The following STOX2 variants were observed in gnomAD, a reference collection of about 807,000 sequenced individuals.
STOX2 encodes storkhead-box protein 2.
STOX2 carries 28 observed loss-of-function variants against 60.9 expected under a neutral mutation model. The observed-to-expected ratio is 0.46, with a 90% CI of 0.34 to 0.63. The LOEUF is 0.63. Ranked by LOEUF, STOX2 falls within the 30% of genes least tolerant of loss-of-function variation. The pLI, the probability that STOX2 is intolerant of heterozygous loss-of-function variation, is 0.01. For synonymous variants in STOX2, 472 were observed against 463.9 expected, an observed-to-expected ratio of 1.02 and a Z score of -0.22; for missense variants, 1,024 against 1,187.7, an observed-to-expected ratio of 0.86 and a Z score of 2.03.
At chr4:183,832,412 T>C (rs185813589) in intron 1 of STOX2, among the ~76,000 whole-genome samples, 8 of 152,080 alleles carry the variant, frequency 5.3e-5, no homozygotes, top group Non-Finnish European at 1.2e-4. Flanking sequence ...ATCTAAGGAA[T>C]GTAATACTTC....
intron 1 of STOX2, among the ~76,000 whole-genome samples, chr4:183,968,380 A>G (rs1162190484): frequency 6.6e-6 from 1 of 151,432 alleles, no homozygotes; most frequent in African/African-American, 2.4e-5. Context: ...ACACACACAC[A>G]AAGAAGAGCA....
rs766878277 is a variant in STOX2, at chr4:184,009,753, G to A, written c.915G>A (p.Thr305=). The A allele has an allele frequency of 1.9e-6, 3 of 1,613,398 alleles. No homozygotes were observed. The highest frequency in any genetic ancestry group is 1.1e-5 in the South Asian group (1 of 90,904). The change falls in exon 3 of 4, where the codon ACG becomes ACA. Residue 305 remains threonine, a synonymous_variant. Transcript: ENST00000308497. The surrounding 1 kb of genome is among the most constrained non-coding windows in gnomAD (Gnocchi z 4.0). The part of the protein sequence containing the change: ...WPLRDEDTPA[T]IPREVEMEII... The stretch of plus-strand genomic sequence containing the variant: ...TGCGAGACGAGGACACGCCAGCTAC[G>A]ATCCCTCGGGAAGTAGAGATGGAAA...
upstream of STOX2, among the ~76,000 whole-genome samples, chr4:183,903,764 A>C (rs1741515060): frequency 6.6e-6 from 1 of 152,178 alleles, no homozygotes; most frequent in South Asian, 2.1e-4. Flanking sequence ...TTATTACCTT[A>C]TGGTCCTTTA....
chr4:183,805,550 A>G (rs975305440), intron 1 of STOX2, among the ~76,000 whole-genome samples: 2 of 152,202 alleles, frequency 1.3e-5, no homozygotes. Context: ...GCTCACGCCT[A>G]TAATCCCAGC....
intron 1 of STOX2, among the ~76,000 whole-genome samples, chr4:183,817,032 T>C (rs1360338460): frequency 6.6e-6 from 1 of 152,230 alleles, no homozygotes; most frequent in African/African-American, 2.4e-5. Flanking sequence ...GCTCTGATAG[T>C]TGCAATTGTG....
chr4:183,867,424 G>A (rs1291710970), intron 1 of STOX2, among the ~76,000 whole-genome samples: 1 of 152,138 alleles, frequency 6.6e-6, no homozygotes, highest in African/African-American at 2.4e-5. Flanking sequence ...TCGGGACACA[G>A]CAGATACGTT....
chr4:183,860,826 C>G (rs1005489486), intron 1 of STOX2, among the ~76,000 whole-genome samples: 1 of 152,174 alleles, frequency 6.6e-6, no homozygotes, highest in Non-Finnish European at 1.5e-5. Context: ...CTCTCAGACA[C>G]ACGGAAGGAA....
intron 1 of STOX2, among the ~76,000 whole-genome samples, chr4:183,867,029 T>C (rs546360804): frequency 6.6e-6 from 1 of 152,354 alleles, no homozygotes; most frequent in South Asian, 2.1e-4. Context: ...TTCTTTTTTT[T>C]TTCCCCCTAT....
intron 1 of STOX2, among the ~76,000 whole-genome samples, chr4:183,840,144 T>G (rs1439417375): frequency 6.6e-6 from 1 of 152,194 alleles, no homozygotes; most frequent in Non-Finnish European, 1.5e-5. Context: ...CGCTTTGTTG[T>G]GAAAACAAAA....
intron 1 of STOX2, among the ~76,000 whole-genome samples, chr4:183,811,455 C>T (rs565933938): frequency 1.3e-5 from 2 of 152,292 alleles, no homozygotes; most frequent in Admixed American, 6.5e-5. Flanking sequence ...AAGTATGAAG[C>T]GCCATGCTGT....
At chr4:183,973,128 A>G (rs1743791363) in intron 1 of STOX2, among the ~76,000 whole-genome samples, 1 of 152,214 alleles carries the variant, frequency 6.6e-6, no homozygotes, top group Non-Finnish European at 1.5e-5. Context: ...AATGTCCAAC[A>G]TTTGTGTAAT....
intron 1 of STOX2, among the ~76,000 whole-genome samples, chr4:183,893,098 G>C (rs1388688004): frequency 6.9e-6 from 1 of 144,076 alleles, no homozygotes; most frequent in Non-Finnish European, 1.5e-5. Flanking sequence ...CGTATCTCTG[G>C]GTCCAACTTT....
intron 1 of STOX2, among the ~76,000 whole-genome samples, chr4:183,977,817 G>A (rs1394506475): frequency 2.6e-5 from 4 of 152,154 alleles, no homozygotes; most frequent in Admixed American, 2.0e-4. Flanking sequence ...CAGTGTATAA[G>A]CATTTCCTTT....
intron 1 of STOX2, among the ~76,000 whole-genome samples, chr4:183,935,112 T>C (rs1401564827): frequency 6.6e-6 from 1 of 152,260 alleles, no homozygotes; most frequent in Admixed American, 6.5e-5. Context: ...GTTTGGTGTT[T>C]TTATGTAAAA....
At position 183,825,003 on chromosome 4, in the gene STOX2, C is replaced by G. The variant is rs1048510437; in HGVS notation, c.364+26948C>G. Among the ~76,000 whole-genome samples the G allele has an allele frequency of 6.6e-6, 1 of 152,202 alleles. No individual in the cohort carries two copies. Among genetic ancestry groups the G allele is most frequent in the Non-Finnish European group, 1.5e-5 (1 of 68,034 alleles). ...TTCTTGGCCTGCACAATTGGAATGT[C>G]CCCATGTCCCCTATCTCCTCACACA... On this transcript the variant is annotated intron_variant, in intron 1 of 2. Coordinates refer to the STOX2 transcript ENST00000513034. This position sits in a 1 kb window ranked among gnomAD's most constrained non-coding sequence, Gnocchi z 4.1.
At chr4:183,811,042 C>T (rs943272693) in intron 1 of STOX2, among the ~76,000 whole-genome samples, 1 of 151,964 alleles carries the variant, frequency 6.6e-6, no homozygotes, top group Non-Finnish European at 1.5e-5. Flanking sequence ...CTTGTCAAAC[C>T]GATTTAGTGC....
intron 1 of STOX2, among the ~76,000 whole-genome samples, chr4:183,962,320 A>G (rs1668825662): frequency 2.0e-5 from 3 of 152,096 alleles, no homozygotes; most frequent in African/African-American, 7.2e-5. Context: ...ACTATATAGT[A>G]ATCGTTTTTC....
At chr4:183,970,295 A>G (rs1316387542) in intron 1 of STOX2, among the ~76,000 whole-genome samples, 1 of 152,034 alleles carries the variant, frequency 6.6e-6, no homozygotes, top group East Asian at 1.9e-4. Context: ...TATCATTGAC[A>G]TCTGTGGTAG....
intron 2 of STOX2, among the ~76,000 whole-genome samples, chr4:184,008,839 T>C (rs1371283054): frequency 6.6e-6 from 1 of 152,212 alleles, no homozygotes; most frequent in Non-Finnish European, 1.5e-5. Flanking sequence ...CATTTTTCTC[T>C]CATTTAAAAA....
Sources: gnomAD v4.1 joint callset for allele counts (sites outside exome capture counted in the v4.1 genomes callset) on GRCh38, gnomAD v4.1.1 for gene constraint, Gnocchi (gnomAD v3.1) non-coding constraint, MANE v1.5 for transcripts, NCBI Gene and HGNC (gene_info 2026-07-23, HGNC 2026-07-21) for gene names.